The following ESRRG variants were observed in gnomAD, a reference collection of about 807,000 sequenced individuals.
The protein encoded by ESRRG is estrogen-related receptor gamma.
In ESRRG, 13 loss-of-function variants were observed where a neutral mutation model predicts 44.0. The observed-to-expected ratio is 0.30, with a 90% CI of 0.19 to 0.47. ESRRG has a LOEUF of 0.47. Among genes scored for constraint, ESRRG ranks in the 20% least tolerant of loss-of-function variants. The probability of loss-of-function intolerance (pLI) is 1.00; values close to 1 mark genes in which losing one functional copy is unlikely to be tolerated. For missense variants in ESRRG, 395 were observed against 580.6 expected, an observed-to-expected ratio of 0.68 and a Z score of 3.29; for synonymous variants, 215 against 214.6, an observed-to-expected ratio of 1.00 and a Z score of -0.02.
chr1:216,934,771 C>G (rs1055568375), intron 2 of ESRRG, among the ~76,000 whole-genome samples: 2 of 152,078 alleles, frequency 1.3e-5, no homozygotes, highest in Non-Finnish European at 2.9e-5. Flanking sequence ...GGATCACAGC[C>G]AAACCATATC....
At chr1:216,802,275 C>A (rs892046310) in intron 2 of ESRRG, among the ~76,000 whole-genome samples, 5 of 151,854 alleles carry the variant, frequency 3.3e-5, no homozygotes, top group Admixed American at 6.6e-5. Flanking sequence ...CACATCTTCC[C>A]AAGAAAATGG....
intron 1 of ESRRG, among the ~76,000 whole-genome samples, chr1:217,057,332 A>C (rs2087337655): frequency 1.3e-5 from 2 of 152,212 alleles, no homozygotes; most frequent in African/African-American, 4.8e-5. Flanking sequence ...GAAAAAATTA[A>C]GTTCACATAA....
intron 2 of ESRRG, among the ~76,000 whole-genome samples, chr1:216,657,314 C>A (rs898161828): frequency 6.6e-6 from 1 of 152,072 alleles, no homozygotes; most frequent in Non-Finnish European, 1.5e-5. Context: ...TCAAAGAAGG[C>A]GTCCACAGTT....
At chr1:216,926,840 G>A (rs115736353) in intron 2 of ESRRG, among the ~76,000 whole-genome samples, 1,539 of 152,248 alleles carry the variant, frequency 0.01, 36 homozygotes, top group African/African-American at 0.036. Context: ...CAAATGAGTA[G>A]CCAGAGCGCC....
intron 2 of ESRRG, among the ~76,000 whole-genome samples, chr1:216,870,457 T>C (rs1369591847): frequency 2.6e-5 from 4 of 151,968 alleles, no homozygotes; most frequent in African/African-American, 9.7e-5. Flanking sequence ...CTCGTCTGTT[T>C]TGTTGTCTGG....
At chr1:216,899,710 C>A (rs2058838536) in intron 2 of ESRRG, among the ~76,000 whole-genome samples, 1 of 152,168 alleles carries the variant, frequency 6.6e-6, no homozygotes, top group African/African-American at 2.4e-5. Context: ...ACGGCACATA[C>A]AGAAGCTATC....
At chr1:216,699,710 A>C (rs1365640276) in intron 1 of ESRRG, among the ~76,000 whole-genome samples, 5 of 152,194 alleles carry the variant, frequency 3.3e-5, no homozygotes, top group Admixed American at 2.6e-4. Context: ...TCTAAAATGC[A>C]GGAGTTCAAA....
At chr1:216,815,292 A>G (rs1446762030) in intron 2 of ESRRG, among the ~76,000 whole-genome samples, 1 of 152,350 alleles carries the variant, frequency 6.6e-6, no homozygotes. Context: ...CAATGTTAGT[A>G]TCTACTTCTT....
At chr1:216,644,789 A>G (rs2067196678) in intron 3 of ESRRG, among the ~76,000 whole-genome samples, 1 of 152,136 alleles carries the variant, frequency 6.6e-6, no homozygotes, top group Admixed American at 6.5e-5. Flanking sequence ...AATGGGTATC[A>G]ATAAAACACA....
Position 217,025,988 on chromosome 1 carries a change from C to A in ESRRG, c.-106+63519G>T, listed in dbSNP as rs541036717. Reference sequence around the variant, plus strand: ...AAGAAATAGCCAAAAAAGGAAAATTCTTGTAAAATGATAAGAACTAAGCCC... The same window carrying A: ...AAGAAATAGCCAAAAAAGGAAAATTATTGTAAAATGATAAGAACTAAGCCC... On this transcript the variant is annotated intron_variant, in intron 1 of 7. Transcript: ENST00000359162. Among the ~76,000 whole-genome samples the A allele has an allele frequency of 3.3e-5, 5 of 152,202 alleles. 1 individual carries two copies. The South Asian group carries it at 1.0e-3, about 32-fold the overall frequency.
intron 2 of ESRRG, among the ~76,000 whole-genome samples, chr1:216,881,484 G>A (rs1182482801): frequency 4.6e-5 from 7 of 152,070 alleles, no homozygotes; most frequent in Admixed American, 4.6e-4. Flanking sequence ...AGGGGGAGTG[G>A]GGATGGAGCT....
intron 1 of ESRRG, among the ~76,000 whole-genome samples, chr1:216,688,754 T>C (rs757931654): frequency 6.6e-6 from 1 of 152,166 alleles, no homozygotes; most frequent in Non-Finnish European, 1.5e-5. Flanking sequence ...GAGGTTGTCA[T>C]AAAATACAAT....
intron 2 of ESRRG, among the ~76,000 whole-genome samples, chr1:216,657,895 G>A (rs2071044232): frequency 6.6e-6 from 1 of 152,082 alleles, no homozygotes; most frequent in Non-Finnish European, 1.5e-5. Context: ...CATTCTATAG[G>A]ATTAAATTCT....
chr1:216,997,225 C>G (rs1334226666), intron 1 of ESRRG, among the ~76,000 whole-genome samples: 1 of 152,162 alleles, frequency 6.6e-6, no homozygotes, highest in Non-Finnish European at 1.5e-5. Flanking sequence ...CTCCCAGTCC[C>G]ATTAAAGTCA....
At chr1:217,029,471 C>G (rs1367158860) in intron 1 of ESRRG, among the ~76,000 whole-genome samples, 1 of 152,150 alleles carries the variant, frequency 6.6e-6, no homozygotes, top group African/African-American at 2.4e-5. Context: ...TGAACTGCTT[C>G]CAAATGGACT....
intron 2 of ESRRG, among the ~76,000 whole-genome samples, chr1:216,799,412 G>T (rs530542774): frequency 6.6e-6 from 1 of 151,860 alleles, no homozygotes; most frequent in Non-Finnish European, 1.5e-5. Flanking sequence ...CAATTTAAAT[G>T]ATGATTTTGA....
chr1:216,870,399 G>T (rs1283817879), intron 2 of ESRRG, among the ~76,000 whole-genome samples: 1 of 151,746 alleles, frequency 6.6e-6, no homozygotes, highest in Non-Finnish European at 1.5e-5. Context: ...ATTTTATTGA[G>T]AATGCTTGCA....
chr1:217,008,207 C>A (rs112889933), intron 1 of ESRRG, among the ~76,000 whole-genome samples: 14 of 152,306 alleles, frequency 9.2e-5, no homozygotes, highest in African/African-American at 3.1e-4. Flanking sequence ...GGCAACGTAA[C>A]TATTATTCTC....
rs138913477 is a variant in ESRRG, at chr1:216,728,777, G to A, written c.-13-51286C>T. 4.0e-5 allele frequency among the ~76,000 whole-genome samples: 6 copies of A among 149,572 alleles called. No individual in the cohort carries two copies. In the East Asian group the frequency reaches 5.9e-4, roughly 15 times the overall value. ...GTGGCTTGTGTTAATCCTTTTGTCC[G>A]AATTTTCAAAGGACTAGTAAAAAAA... On this transcript the variant is annotated intron_variant, in intron 2 of 7. Coordinates refer to the ESRRG transcript ENST00000359162.
Sources: allele counts gnomAD v4.1 joint callset (sites outside exome capture counted in the v4.1 genomes callset), GRCh38; gene constraint gnomAD v4.1.1; transcripts MANE v1.5; gene names NCBI Gene and HGNC (gene_info 2026-07-23, HGNC 2026-07-21).